The following FUT8 variants were observed in gnomAD, a reference collection of about 807,000 sequenced individuals.
FUT8 encodes the protein alpha-(1,6)-fucosyltransferase.
In FUT8, 29 loss-of-function variants were observed where a neutral mutation model predicts 71.3. The ratio of observed to expected loss-of-function variants is 0.41; its 90% CI spans 0.30 to 0.55. FUT8 has a LOEUF of 0.55. Ranked by LOEUF, FUT8 falls within the 20% of genes least tolerant of loss-of-function variation. The pLI is 0.34. For missense variants in FUT8, 544 were observed against 702.1 expected, an observed-to-expected ratio of 0.77 and a Z score of 2.55; for synonymous variants, 254 against 239.3, an observed-to-expected ratio of 1.06 and a Z score of -0.57.
At chr14:65,680,667 C>T (rs1892994811) in intron 7 of FUT8, among the ~76,000 whole-genome samples, 1 of 152,216 alleles carries the variant, frequency 6.6e-6, no homozygotes, top group South Asian at 2.1e-4. Flanking sequence ...GTATACGTTT[C>T]TTTAACTTGC....
intron 7 of FUT8, among the ~76,000 whole-genome samples, chr14:65,717,828 C>T (rs1001680538): frequency 6.6e-6 from 1 of 152,190 alleles, no homozygotes; most frequent in Non-Finnish European, 1.5e-5. Flanking sequence ...TTCTTTGTCC[C>T]TTTTTATAGT....
intron 3 of FUT8, among the ~76,000 whole-genome samples, chr14:65,572,944 C>T (rs1469563284): frequency 6.6e-6 from 1 of 152,142 alleles, no homozygotes; most frequent in Non-Finnish European, 1.5e-5. Context: ...CTTCAATCAG[C>T]TTGACCTAAT....
chr14:65,651,074 C>T (rs1033339935), intron 6 of FUT8, among the ~76,000 whole-genome samples: 2 of 152,192 alleles, frequency 1.3e-5, no homozygotes, highest in African/African-American at 4.8e-5. Context: ...TTGCAGCCCT[C>T]CCCAATGGAT....
intron 7 of FUT8, among the ~76,000 whole-genome samples, chr14:65,684,845 A>G (rs1250804870): frequency 6.6e-6 from 1 of 152,242 alleles, no homozygotes; most frequent in African/African-American, 2.4e-5. Context: ...ACTGTGAGTC[A>G]ATTAAACCTC....
At chr14:65,626,222 T>TA (rs200882855) in intron 5 of FUT8, among the ~76,000 whole-genome samples, 132 of 146,596 alleles carry the variant, frequency 9.0e-4, no homozygotes, top group Admixed American at 1.2e-3. Context: ...CCTCTAGCAT[T>TA]AAAAAAAAAA....
intron 9 of FUT8, among the ~76,000 whole-genome samples, chr14:65,731,022 G>GTT (rs1182859149): frequency 6.6e-6 from 1 of 152,192 alleles, no homozygotes; most frequent in Admixed American, 6.5e-5. Flanking sequence ...TTTGTTAAAA[G>GTT]TTTTTTGTAA....
Position 65,599,512 on chromosome 14 carries a change from G to A in FUT8, c.204-16466G>A, listed in dbSNP as rs755167671. 1.3e-5 allele frequency among the ~76,000 whole-genome samples: 2 copies of A among 152,184 alleles called. 1 individual carries two copies. The highest frequency in any genetic ancestry group is 2.9e-5 in the Non-Finnish European group (2 of 68,032). On this transcript the variant is annotated intron_variant, in intron 3 of 10. Transcript: ENST00000673929. ...CTCATGCTAGGGAATGGCTGGTACA[G>A]GATGATAGGCAAGCTGCTTTAGTTT...
intron 3 of FUT8, among the ~76,000 whole-genome samples, chr14:65,585,685 T>C (rs977748398): frequency 1.1e-4 from 16 of 152,256 alleles, no homozygotes; most frequent in African/African-American, 3.6e-4. Flanking sequence ...TAAATGCTTT[T>C]TCATAAATTG....
intron 1 of FUT8, among the ~76,000 whole-genome samples, chr14:65,417,942 C>T (rs923663584): frequency 6.6e-6 from 1 of 151,974 alleles, no homozygotes; most frequent in Non-Finnish European, 1.5e-5. Context: ...AATATGAAAA[C>T]GAACTTGAAA....
chr14:65,498,963 A>G (rs980103779), intron 2 of FUT8, among the ~76,000 whole-genome samples: 1 of 152,216 alleles, frequency 6.6e-6, no homozygotes, highest in African/African-American at 2.4e-5. Context: ...AGTGGTGGTA[A>G]TGGTTGTGGA....
chr14:65,523,258 C>T (rs1191952229), intron 2 of FUT8, among the ~76,000 whole-genome samples: 3 of 152,182 alleles, frequency 2.0e-5, no homozygotes, highest in East Asian at 1.9e-4. Flanking sequence ...TTTTTAATGA[C>T]CGCCATTCTA....
Position 65,596,582 on chromosome 14 carries a change from T to G in FUT8, c.204-19396T>G, listed in dbSNP as rs117940835. ...CAGGTTTTTGAAGGAGATGATGGTA[T>G]GGATTTGCAGAATAGTTAGGGGAGT... On this transcript the variant is annotated intron_variant, in intron 3 of 10. Transcript: ENST00000673929. 3.1e-3 allele frequency among the ~76,000 whole-genome samples: 468 copies of G among 152,320 alleles called. 3 individuals carry two copies. The East Asian group carries it at 0.035, about 11-fold the overall frequency.
In FUT8 at chr14:65,489,522, C is replaced by G. The variant is rs2139715295; in HGVS notation, c.-228+33804C>G. Among the ~76,000 whole-genome samples, 1 of 151,960 alleles carries G rather than the reference C, an allele frequency of 6.6e-6. No homozygotes were observed. The highest frequency in any genetic ancestry group is 2.4e-5 in the African/African-American group (1 of 41,470). On this transcript the variant is annotated intron_variant, in intron 2 of 10. Transcript: ENST00000673929. This position sits in a 1 kb window ranked among gnomAD's most constrained non-coding sequence, Gnocchi z 4.0. ...CATTGAGAATGTTTTTATAAATGGA[C>G]AGATCAGTTACTTAAAAAGTTCTAT... is the stretch of plus-strand genomic sequence containing the variant.
At chr14:65,683,871 G>C (rs893001083) in intron 7 of FUT8, among the ~76,000 whole-genome samples, 1 of 151,666 alleles carries the variant, frequency 6.6e-6, no homozygotes, top group Admixed American at 6.6e-5. Flanking sequence ...TTCTTTTTCT[G>C]AATATCATTA....
chr14:65,485,891 T>A (rs578178289), intron 2 of FUT8, among the ~76,000 whole-genome samples: 1 of 152,354 alleles, frequency 6.6e-6, no homozygotes, highest in Admixed American at 6.5e-5. Flanking sequence ...TGAAGGGTAT[T>A]GCTTGTTTCC....
chr14:65,409,574 A>T (rs145108795), upstream of FUT8, among the ~76,000 whole-genome samples: 2 of 152,368 alleles, frequency 1.3e-5, no homozygotes, highest in Non-Finnish European at 2.9e-5. The surrounding 1 kb of genome is among the most constrained non-coding windows in gnomAD (Gnocchi z 5.4). Flanking sequence ...GAATGTTCAC[A>T]ACTTAGGAAA....
chr14:65,669,782 A>G lies in FUT8; in HGVS notation c.835+302A>G, dbSNP rs1371793287. Among the ~76,000 whole-genome samples the G allele has an allele frequency of 6.6e-6, 1 of 152,148 alleles. No homozygotes were observed. Among genetic ancestry groups the G allele is most frequent in the Non-Finnish European group, 1.5e-5 (1 of 68,032 alleles). On this transcript the variant is annotated intron_variant, in intron 7 of 10. Transcript: ENST00000673929. The surrounding 1 kb of genome is among the most constrained non-coding windows in gnomAD (Gnocchi z 4.5). ...CTTTCACTCTATAAGATGATTTCAC[A>G]TTATTGAACTCATTTTAATATGAAG... is the stretch of plus-strand genomic sequence containing the variant.
intron 2 of FUT8, among the ~76,000 whole-genome samples, chr14:65,551,423 C>CAG (rs1885275855): frequency 6.6e-6 from 1 of 152,104 alleles, no homozygotes; most frequent in African/African-American, 2.4e-5. Flanking sequence ...TCAAAGGGTA[C>CAG]AGAGTTTTGG....
intron 2 of FUT8, among the ~76,000 whole-genome samples, chr14:65,526,195 C>CGA (rs1883455524): frequency 6.6e-6 from 1 of 152,176 alleles, no homozygotes; most frequent in African/African-American, 2.4e-5. Flanking sequence ...GTGTGAGAGT[C>CGA]TAAGTCTCTT....
Sources: allele counts gnomAD v4.1 joint callset (sites outside exome capture counted in the v4.1 genomes callset), GRCh38; gene constraint gnomAD v4.1.1; non-coding constraint Gnocchi (gnomAD v3.1); transcripts MANE v1.5; gene names NCBI Gene and HGNC (gene_info 2026-07-23, HGNC 2026-07-21).